Variants in CSPG5 observed in about 807,000 individuals in gnomAD.
The protein encoded by CSPG5 is chondroitin sulfate proteoglycan 5, also known as acidic leucine-rich EGF-like domain-containing brain protein.
A neutral mutation model predicts 39.8 loss-of-function variants in CSPG5; 25 were observed. The ratio of observed to expected loss-of-function variants is 0.63; its 90% CI spans 0.46 to 0.88. The LOEUF (loss-of-function observed/expected upper bound fraction) is 0.88. CSPG5 is among the 40% of genes least tolerant of loss of function. The pLI, the probability that CSPG5 is intolerant of heterozygous loss-of-function variation, is 0.00. For missense variants in CSPG5, 627 were observed against 702.2 expected, an observed-to-expected ratio of 0.89 and a Z score of 1.21; for synonymous variants, 295 against 303.9, an observed-to-expected ratio of 0.97 and a Z score of 0.31.
At chr3:47,568,253 G>A (rs111914624) in intron 4 of CSPG5, among the ~76,000 whole-genome samples, 118 of 152,330 alleles carry the variant, frequency 7.7e-4, no homozygotes, top group Middle Eastern at 6.8e-3. Flanking sequence ...ATTATATAGA[G>A]AATTCTAGGA....
At chr3:47,576,212 C>T (rs1304293946) in intron 2 of CSPG5, among the ~76,000 whole-genome samples, 1 of 152,096 alleles carries the variant, frequency 6.6e-6, no homozygotes, top group Non-Finnish European at 1.5e-5. Flanking sequence ...GCTGGGATTA[C>T]AGGCGTGAGC....
chr3:47,569,324 CT>C (rs2031437860), intron 3 of CSPG5, 97 bp from the exon 4 acceptor site: 1 of 1,338,742 alleles, frequency 7.5e-7, no homozygotes, highest in Non-Finnish European at 1.1e-6. Flanking sequence ...TGTATTTCGG[CT>C]GGGCGTGGTG....
At chr3:47,574,795 T>C (rs750217606) in intron 2 of CSPG5, among the ~76,000 whole-genome samples, 12 of 151,966 alleles carry the variant, frequency 7.9e-5, no homozygotes, top group Non-Finnish European at 1.2e-4. Flanking sequence ...AAAAATTAGC[T>C]GGGCGTGGTG....
intron 4 of CSPG5, among the ~76,000 whole-genome samples, chr3:47,564,193 T>C (rs1576367348): frequency 6.6e-6 from 1 of 152,232 alleles, no homozygotes; most frequent in Non-Finnish European, 1.5e-5. Context: ...ATTACCATCA[T>C]GCTTAAGGAC....
chr3:47,562,796 A>T (rs1047981703), intron 4 of CSPG5, 35 bp from the exon 5 acceptor site: 1 of 1,532,230 alleles, frequency 6.5e-7, no homozygotes, highest in Non-Finnish European at 9.0e-7. Flanking sequence ...GGGGGAGACA[A>T]TGCATACAGC....
upstream of CSPG5, chr3:47,579,031 T>G (rs1352272892): frequency 6.5e-6 from 1 of 154,610 alleles, no homozygotes. The surrounding 1 kb of genome is among the most constrained non-coding windows in gnomAD (Gnocchi z 4.2). Flanking sequence ...GGACGGGGAG[T>G]GCGGGGCAGG....
rs540312141 is a variant in CSPG5, at chr3:47,566,835, C to T, written c.1458+2317G>A. 8.5e-5 allele frequency among the ~76,000 whole-genome samples: 13 copies of T among 152,346 alleles called. No individual in the cohort carries two copies. The East Asian group carries it at 1.5e-3, about 18-fold the overall frequency. ...CCCACTATGGCCGACCAGCCTCACC[C>T]GCCCTGTGGCTGACCCCCAAGCCCC... is the stretch of plus-strand genomic sequence containing the variant. On this transcript the variant is annotated intron_variant, in intron 4 of 4. Transcript: ENST00000264723.
In CSPG5 at chr3:47,577,267, T is replaced by C. The variant is rs771673986; in HGVS notation, c.759A>G (p.Leu253=). ...CATCGAAGGGGGTGAAATCATCGTA[T>C]AAGTCAAGCAGGCTCCAGGAAGGGG... ...GETPSWSLLD[L]YDDFTPFDES... The change falls in exon 2 of 5, where the codon TTA becomes TTG. Residue 253 remains leucine (L), a synonymous_variant. Transcript: ENST00000264723. This position sits in a 1 kb window ranked among gnomAD's most constrained non-coding sequence, Gnocchi z 4.7. 2 of 1,612,908 alleles carry C rather than the reference T, an allele frequency of 1.2e-6. No homozygotes were observed. Among genetic ancestry groups the C allele is most frequent in the South Asian group, 2.2e-5 (2 of 90,818 alleles).
intron 3 of CSPG5, among the ~76,000 whole-genome samples, chr3:47,569,495 C>A (rs1005451994): frequency 6.6e-6 from 1 of 151,516 alleles, no homozygotes; most frequent in Admixed American, 6.6e-5. Context: ...TCCCAGCTAC[C>A]TGGGAGGCTG....
chr3:47,573,541 T>TA (rs1178094026), intron 2 of CSPG5, among the ~76,000 whole-genome samples: 1 of 152,220 alleles, frequency 6.6e-6, no homozygotes, highest in Non-Finnish European at 1.5e-5. Context: ...GGGTGGGTTT[T>TA]AGCCTTTTTG....
At position 47,578,673 on chromosome 3, in the gene CSPG5, C is replaced by G; in HGVS notation, c.21G>C (p.Gly7=). ...GTGGCGGCGGCCCCCGGCCCGGGCC[C>G]CCGCCCCCGGCTCGCCCCATGGCGC... MGRAGG[G]GPGRGPPPLL... Residue 7 remains glycine, a synonymous_variant, in exon 1 of 5, where the codon GGG becomes GGC. Coordinates refer to ENST00000264723, the MANE Select transcript of CSPG5 (RefSeq NM_006574.4). This position sits in a 1 kb window ranked among gnomAD's most constrained non-coding sequence, Gnocchi z 6.0. 1 of 1,078,706 alleles carries G rather than the reference C, an allele frequency of 9.3e-7. No homozygotes were observed. Among genetic ancestry groups the G allele is most frequent in the Non-Finnish European group, 1.1e-6 (1 of 882,212 alleles). The allele number at this position is 1,078,706 out of a possible 1,614,324, so 66.8% of individuals were successfully genotyped here.
rs2031843562 is a variant in CSPG5 at position 47,578,070 on chromosome 3, G to A, written c.98-142C>T. 4.1e-6 allele frequency: 5 copies of A among 1,232,988 alleles called. No individual in the cohort carries two copies. Among genetic ancestry groups the A allele is most frequent in the African/African-American group, 1.6e-5 (1 of 63,184 alleles). The allele number at this position is 1,232,988 out of a possible 1,614,324, so 76.4% of individuals were successfully genotyped here. A position where few individuals can be genotyped will look rare whatever the true frequency, so the allele number is the denominator to read the frequency against. On this transcript the variant is annotated intron_variant, in intron 1 of 4. Transcript: ENST00000264723. The surrounding 1 kb of genome is among the most constrained non-coding windows in gnomAD (Gnocchi z 6.0). Reference sequence around the variant, plus strand: ...CCCTCAGACCCCACCGCCCCAGTGTGACCCCAGCCACCCGGTACCTCTAAG... The same window carrying A: ...CCCTCAGACCCCACCGCCCCAGTGTAACCCCAGCCACCCGGTACCTCTAAG...
At position 47,576,862 on chromosome 3, in the gene CSPG5, G is replaced by A; in HGVS notation, c.1164C>T (p.Tyr388=). Residue 388 remains tyrosine (Y), a synonymous_variant, in exon 2 of 5, where the codon TAC becomes TAT. Transcript: ENST00000264723. The part of the protein sequence containing the change: ...PSYCHNGGQC[Y]LVENIGAFCR... ...AGAAGGCCCCTATGTTCTCCACCAGGTAGCACTGGCCGCCATTGTGACAGT... is the reference window on the plus strand; with the variant it reads ...AGAAGGCCCCTATGTTCTCCACCAGATAGCACTGGCCGCCATTGTGACAGT... 2 of 1,579,982 alleles carry A rather than the reference G, an allele frequency of 1.3e-6. No homozygotes were observed. Among genetic ancestry groups the A allele is most frequent in the South Asian group, 1.2e-5 (1 of 84,794 alleles).
chr3:47,577,288 A>G lies in CSPG5; in HGVS notation c.738T>C (p.Pro246=). 6.2e-7 allele frequency: 1 copy of G among 1,613,724 alleles called. No individual in the cohort carries two copies. The highest frequency in any genetic ancestry group is 1.1e-5 in the South Asian group (1 of 90,974). Residue 246 remains proline (P), a synonymous_variant, in exon 2 of 5, where the codon CCT becomes CCC. Transcript: ENST00000264723. This position sits in a 1 kb window ranked among gnomAD's most constrained non-coding sequence, Gnocchi z 4.7. ...ENHPDTEGET[P]SWSLLDLYDD... ...CGTATAAGTCAAGCAGGCTCCAGGA[A>G]GGGGTCTCTCCCTCAGTATCAGGGT... is the stretch of plus-strand genomic sequence containing the variant.
intron 2 of CSPG5, among the ~76,000 whole-genome samples, chr3:47,573,883 G>C (rs1295717799): frequency 2.6e-5 from 4 of 152,244 alleles, no homozygotes; most frequent in Admixed American, 2.0e-4. Flanking sequence ...GCAGACCCCT[G>C]TAAGTGGGGC....
chr3:47,571,962 C>T (rs1014241353), intron 3 of CSPG5, among the ~76,000 whole-genome samples: 3 of 152,182 alleles, frequency 2.0e-5, no homozygotes, highest in African/African-American at 7.2e-5. Context: ...TAAAGGCAAA[C>T]ACATGTTGAT....
chr3:47,563,164 A>G (rs2031154812), intron 4 of CSPG5, among the ~76,000 whole-genome samples: 1 of 152,102 alleles, frequency 6.6e-6, no homozygotes, highest in Non-Finnish European at 1.5e-5. Flanking sequence ...TTTCACAAAG[A>G]TGTCTTGGTC....
rs1490913928 is a variant in CSPG5, at chr3:47,577,755, C to G, written c.271G>C (p.Glu91Gln). The change falls in exon 2 of 5, where the codon GAG becomes CAG. Residue 91 changes from glutamate to glutamine, a missense_variant. By Grantham distance (29) the Glu-to-Gln change is conservative. Coordinates refer to ENST00000264723, the MANE Select transcript of CSPG5 (RefSeq NM_006574.4). The surrounding 1 kb of genome is among the most constrained non-coding windows in gnomAD (Gnocchi z 4.7). ...ELAGPEEVLQ[E>Q]SAAVTGTAWL... Reference sequence around the variant, plus strand: ...GCGGTGCCGGTCACCGCAGCCGACTCCTGCAGCACCTCTTCTGGCCCGGCC... The same window carrying G: ...GCGGTGCCGGTCACCGCAGCCGACTGCTGCAGCACCTCTTCTGGCCCGGCC... 8 of 1,587,668 alleles carry G rather than the reference C, an allele frequency of 5.0e-6. No individual in the cohort carries two copies. The highest frequency in any genetic ancestry group is 6.8e-6 in the Non-Finnish European group (8 of 1,173,150).
chr3:47,569,077 G>A, intron 4 of CSPG5, 75 bp downstream of exon 4: 1 of 1,519,596 alleles, frequency 6.6e-7, no homozygotes, highest in South Asian at 1.3e-5. Flanking sequence ...TTACCTGACA[G>A]ATAACGTTAT....
Sources: gnomAD v4.1 joint callset for allele counts (sites outside exome capture counted in the v4.1 genomes callset) on GRCh38, gnomAD v4.1.1 for gene constraint, Gnocchi (gnomAD v3.1) non-coding constraint, MANE v1.5 for transcripts, NCBI Gene and HGNC (gene_info 2026-07-23, HGNC 2026-07-21) for gene names.